SPO11: variants seen among roughly 807,000 people sequenced by gnomAD.
The protein encoded by SPO11 is meiotic recombination protein SPO11.
SPO11 carries 49 observed loss-of-function variants against 51.6 expected under a neutral mutation model. That is an observed-to-expected ratio of 0.95 (90% confidence interval 0.75 to 1.20). SPO11 has a LOEUF of 1.20. Among genes scored for constraint, SPO11 ranks in the 50% most tolerant of loss-of-function variants. The pLI, the probability that SPO11 is intolerant of heterozygous loss-of-function variation, is 0.00. For synonymous variants in SPO11, 176 were observed against 158.2 expected (o/e 1.11, Z -0.84); for missense variants, 431 against 473.4 (o/e 0.91, Z 0.83).
chr20:57,334,155 A>ATTTTT (rs72486602), intron 5 of SPO11, 60 bp downstream of exon 5: 4 of 549,826 alleles, frequency 7.3e-6, no homozygotes, highest in African/African-American at 2.1e-5. Flanking sequence ...ATAAAACATA[A>ATTTTT]TTTTTTTTTT....
intron 2 of SPO11, among the ~76,000 whole-genome samples, chr20:57,332,935 C>T (rs2066466505): frequency 1.3e-5 from 2 of 152,124 alleles, no homozygotes; most frequent in African/African-American, 4.8e-5. Context: ...CACTCCCACA[C>T]CCCCTAATCA....
intron 8 of SPO11, among the ~76,000 whole-genome samples, chr20:57,337,107 T>C (rs2066521974): frequency 6.6e-6 from 1 of 152,092 alleles, no homozygotes; most frequent in African/African-American, 2.4e-5. Flanking sequence ...ATCACACCAC[T>C]GATGATGGGC....
At chr20:57,338,446 C>CTTT (rs113456122) in intron 9 of SPO11, 71 bp downstream of exon 9, 96 of 914,552 alleles carry the variant, frequency 1.0e-4, no homozygotes, top group South Asian at 1.2e-4. Context: ...TTTTCTTCCT[C>CTTT]TTTTTTTTTT....
At chr20:57,331,970 T>C (rs764687841) in intron 2 of SPO11, 24 bp downstream of exon 2, 13 of 1,364,518 alleles carry the variant, frequency 9.5e-6, no homozygotes, top group African/African-American at 7.3e-5. Flanking sequence ...ATTTTTATTT[T>C]TTAAATGCAA....
At chr20:57,336,417 C>G (rs1395480081) in intron 8 of SPO11, among the ~76,000 whole-genome samples, 3 of 152,168 alleles carry the variant, frequency 2.0e-5, no homozygotes, top group Non-Finnish European at 4.4e-5. Context: ...AAGACAACCA[C>G]CTGGTAGCCT....
rs28368094 is a variant in SPO11 at position 57,339,975 on chromosome 20, G to A, written c.883-127G>A. ...CCTGATGGTTTTCTTACTTCTGTGG[G>A]CTCTGGGCATGTGAAGCCAGCTTTA... On this transcript the variant is annotated intron_variant, in intron 10 of 12. Coordinates refer to ENST00000371263, the MANE Select transcript of SPO11 (RefSeq NM_012444.3). 110 of 664,110 alleles carry A rather than the reference G, an allele frequency of 1.7e-4. No individual in the cohort carries two copies. The East Asian group carries it at 2.3e-3, about 14-fold the overall frequency. 41.1% of individuals were successfully genotyped at this position (664,110 alleles called of 1,614,324 possible). A position where few individuals can be genotyped will look rare whatever the true frequency, so the allele number is the denominator to read the frequency against.
chr20:57,342,699 T>G, intron 11 of SPO11, 30 bp from the exon 12 acceptor site: 1 of 1,421,046 alleles, frequency 7.0e-7, no homozygotes, highest in South Asian at 1.2e-5. Context: ...AACACTTTTT[T>G]ACTGATTTTT....
chr20:57,335,697 G>GT, intron 7 of SPO11, 101 bp from the exon 8 acceptor site: 1 of 748,532 alleles, frequency 1.3e-6, no homozygotes, highest in East Asian at 2.7e-5. Context: ...CTAAAATGTT[G>GT]TATCTATAGC....
At chr20:57,338,890 G>T in intron 9 of SPO11, 99 bp from the exon 10 acceptor site, 1 of 718,894 alleles carries the variant, frequency 1.4e-6, no homozygotes, top group Non-Finnish European at 2.3e-6. Flanking sequence ...CACTGGTGAT[G>T]TCCACAAAAT....
rs185434357 is a variant in SPO11 at position 57,333,402 on chromosome 20, A to C, written c.334+126A>C. The C allele has an allele frequency of 2.5e-5, 17 of 677,380 alleles. No individual in the cohort carries two copies. The East Asian group carries it at 4.8e-4, about 19-fold the overall frequency. 42.0% of individuals were successfully genotyped at this position (677,380 alleles called of 1,614,324 possible). On this transcript the variant is annotated intron_variant, in intron 3 of 12. Transcript: ENST00000371263. The stretch of plus-strand genomic sequence containing the variant: ...ATAGATCACTTTCATACATAAAATA[A>C]ATTTCTATAATTTTTCATTGTCAAT...
chr20:57,333,985 A>G lies in SPO11; in HGVS notation c.402-2A>G. ...AAAAATATGTATTTTAAATTTTCAT[A>G]GGGACATATATTACACTGACAGTCA... On this transcript the variant is annotated splice_acceptor_variant, in intron 4 of 12. Transcript: ENST00000371263. LOFTEE classifies it high-confidence loss of function. The G allele has an allele frequency of 1.3e-6, 2 of 1,497,274 alleles. No homozygotes were observed. The highest frequency in any genetic ancestry group is 1.3e-5 in the South Asian group (1 of 78,494). 92.7% of individuals were successfully genotyped at this position (1,497,274 alleles called of 1,614,324 possible).
At position 57,329,830 on chromosome 20, in the gene SPO11, A is replaced by G. The variant is rs771124735; in HGVS notation, c.-38A>G. 1.3e-6 allele frequency: 2 copies of G among 1,597,512 alleles called. No homozygotes were observed. The highest frequency in any genetic ancestry group is 1.3e-5 in the African/African-American group (1 of 74,502). ...CCACGCCCCAAGGGCGCAGCCTAGGACAGGGGCTTCTGGAGCTTCTGGCAG... is the reference window on the plus strand; with the variant it reads ...CCACGCCCCAAGGGCGCAGCCTAGGGCAGGGGCTTCTGGAGCTTCTGGCAG... On this transcript the variant is annotated 5_prime_UTR_variant, in exon 1 of 13. Transcript: ENST00000371263.
chr20:57,334,731 T>C lies in SPO11; in HGVS notation c.511-19T>C, dbSNP rs2066491091. The C allele has an allele frequency of 6.2e-7, 1 of 1,601,258 alleles. No individual in the cohort carries two copies. Among genetic ancestry groups the C allele is most frequent in the Non-Finnish European group, 8.6e-7 (1 of 1,169,490 alleles). On this transcript the variant is annotated intron_variant, in intron 5 of 12. Coordinates refer to ENST00000371263, the MANE Select transcript of SPO11 (RefSeq NM_012444.3). ...ATATTCGTGAAGCAGGTTTCAAATA[T>C]GTCTATTATTTTTTGCAGTTATCTA... is the stretch of plus-strand genomic sequence containing the variant.
intron 5 of SPO11, 60 bp downstream of exon 5, chr20:57,334,155 A>ATT (rs72486602): frequency 5.2e-3 from 2,832 of 545,850 alleles, no homozygotes; most frequent in Middle Eastern, 6.7e-3. Context: ...ATAAAACATA[A>ATT]TTTTTTTTTT....
rs2066454015 is a variant in SPO11 at position 57,331,863 on chromosome 20, T to C, written c.162T>C (p.Ile54=). Residue 54 remains isoleucine, a synonymous_variant, in exon 2 of 13, where the codon ATT becomes ATC. Coordinates refer to ENST00000371263, the MANE Select transcript of SPO11 (RefSeq NM_012444.3). ...SSEVLASIEN[I]IQDIITSLAR... is the part of the protein sequence containing the mutation. ...AGGTTCTTGCATCTATAGAAAATAT[T>C]ATCCAAGACATAATCACAAGCTTGG... 1.9e-6 allele frequency: 3 copies of C among 1,598,976 alleles called. No individual in the cohort carries two copies. The highest frequency in any genetic ancestry group is 1.7e-5 in the Admixed American group (1 of 58,298).
intron 1 of SPO11, 55 bp downstream of exon 1, chr20:57,330,053 C>A: frequency 3.3e-6 from 5 of 1,506,368 alleles, no homozygotes; most frequent in Non-Finnish European, 4.4e-6. Context: ...AAGTCGGGCG[C>A]TCTTCCTGGC....
At chr20:57,342,324 A>G (rs1463969572) in intron 11 of SPO11, among the ~76,000 whole-genome samples, 1 of 152,234 alleles carries the variant, frequency 6.6e-6, no homozygotes, top group African/African-American at 2.4e-5. Context: ...GCCGTTGGCC[A>G]TGCATATTGG....
chr20:57,339,802 A>C (rs1229752967), intron 10 of SPO11, among the ~76,000 whole-genome samples: 1 of 152,180 alleles, frequency 6.6e-6, no homozygotes, highest in Non-Finnish European at 1.5e-5. Context: ...GCGGTGGTGC[A>C]GTGACAGCTC....
intron 8 of SPO11, among the ~76,000 whole-genome samples, chr20:57,336,728 G>C (rs142135457): frequency 6.6e-6 from 1 of 152,156 alleles, no homozygotes; most frequent in African/African-American, 2.4e-5. Flanking sequence ...CTCCTCTACT[G>C]TGTTCATGTG....
Sources: allele counts gnomAD v4.1 joint callset (sites outside exome capture counted in the v4.1 genomes callset), GRCh38; gene constraint gnomAD v4.1.1; transcripts MANE v1.5; gene names NCBI Gene and HGNC (gene_info 2026-07-23, HGNC 2026-07-21).